The following RORA variants were observed in gnomAD, a reference collection of about 807,000 sequenced individuals.
RORA encodes the protein RAR related orphan receptor A, also known as nuclear receptor ROR-alpha.
Under a neutral mutation model 69.5 loss-of-function variants are expected in RORA, and 7 were observed. The observed-to-expected ratio is 0.10, with a 90% confidence interval of 0.06 to 0.19. The LOEUF (loss-of-function observed/expected upper bound fraction) is 0.19. Among genes scored for constraint, RORA ranks in the 10% least tolerant of loss-of-function variants. The probability of loss-of-function intolerance (pLI) is 1.00; values close to 1 mark genes in which losing one functional copy is unlikely to be tolerated. For missense variants in RORA, 457 were observed against 663.0 expected, an observed-to-expected ratio of 0.69 and a Z score of 3.41; for synonymous variants, 261 against 240.8, an observed-to-expected ratio of 1.08 and a Z score of -0.78.
chr15:61,222,008 C>G (rs1265137541), intron 1 of RORA, among the ~76,000 whole-genome samples: 1 of 151,802 alleles, frequency 6.6e-6, no homozygotes, highest in African/African-American at 2.4e-5. Context: ...TTAAAACACC[C>G]AATAACATTG....
Position 60,627,337 on chromosome 15 carries a change from G to C in RORA, c.196+51320C>G. ...GATTGACCACGGCACTCTTGCCTCA[G>C]TCTCTAAGTCACTGTCTCCTGGGGC... On this transcript the variant is annotated intron_variant, in intron 2 of 10. Coordinates refer to ENST00000335670, the MANE Select transcript of RORA (RefSeq NM_134261.3). 1 of 1,614,174 alleles carries C rather than the reference G, an allele frequency of 6.2e-7. No individual in the cohort carries two copies. The highest frequency in any genetic ancestry group is 1.6e-4 in the Middle Eastern group (1 of 6,062).
chr15:60,645,987 C>T lies in RORA; in HGVS notation c.196+32670G>A, dbSNP rs1203964671. On this transcript the variant is annotated intron_variant, in intron 2 of 10. Transcript: ENST00000335670. Reference sequence around the variant, plus strand: ...TCCGCACCATATGTGAGCATGAAAACACAACTTCGGGGCCTCGCCCGTATG... The same window carrying T: ...TCCGCACCATATGTGAGCATGAAAATACAACTTCGGGGCCTCGCCCGTATG... 3.3e-5 allele frequency among the ~76,000 whole-genome samples: 5 copies of T among 152,116 alleles called. No homozygotes were observed. The East Asian group carries it at 9.7e-4, about 29-fold the overall frequency.
intron 2 of RORA, among the ~76,000 whole-genome samples, chr15:60,587,197 TTCAC>T (rs1459127440): frequency 2.0e-5 from 3 of 152,184 alleles, no homozygotes; most frequent in Non-Finnish European, 4.4e-5. Flanking sequence ...ATGCTTATAT[TTCAC>T]TCATATCCTC....
At chr15:61,210,104 T>C (rs2079977457) in intron 1 of RORA, among the ~76,000 whole-genome samples, 2 of 152,144 alleles carry the variant, frequency 1.3e-5, no homozygotes, top group South Asian at 2.1e-4. Context: ...ATGCTGAGGG[T>C]TCCCTCAAGA....
At chr15:61,054,773 C>T (rs1315305557) in intron 1 of RORA, among the ~76,000 whole-genome samples, 1 of 151,904 alleles carries the variant, frequency 6.6e-6, no homozygotes, top group African/African-American at 2.4e-5. Flanking sequence ...GTTGACTCTC[C>T]CTTTAACTTT....
intron 2 of RORA, chr15:60,592,938 C>T (rs745387466): frequency 4.4e-6 from 2 of 455,594 alleles, no homozygotes; most frequent in Non-Finnish European, 8.8e-6. Context: ...CCGGAGCACT[C>T]GGGGGCGATA....
chr15:60,744,368 G>A (rs535021077), intron 1 of RORA, among the ~76,000 whole-genome samples: 2 of 152,192 alleles, frequency 1.3e-5, no homozygotes, highest in Admixed American at 6.5e-5. Context: ...CAGCTGTGTC[G>A]TTTGCTTAGG....
intron 2 of RORA, among the ~76,000 whole-genome samples, chr15:60,613,651 T>G (rs544841758): frequency 6.6e-6 from 1 of 150,746 alleles, no homozygotes; most frequent in Non-Finnish European, 1.5e-5. Context: ...TAAAAATTAC[T>G]AATATATAAG....
chr15:60,829,180 G>C (rs889939848), intron 1 of RORA, among the ~76,000 whole-genome samples: 3 of 152,162 alleles, frequency 2.0e-5, no homozygotes, highest in Non-Finnish European at 2.9e-5. Flanking sequence ...TGCCAGCCTG[G>C]AGACAGGAGA....
chr15:61,165,385 T>A (rs2079532615), intron 1 of RORA, among the ~76,000 whole-genome samples: 1 of 152,190 alleles, frequency 6.6e-6, no homozygotes, highest in African/African-American at 2.4e-5. Context: ...TTCCAGAGCA[T>A]TTCTGTGATT....
intron 1 of RORA, among the ~76,000 whole-genome samples, chr15:60,763,621 T>G (rs1378264153): frequency 2.6e-5 from 4 of 152,108 alleles, no homozygotes; most frequent in Non-Finnish European, 4.4e-5. Context: ...CACTTTAGCA[T>G]GAACACAACC....
intron 2 of RORA, among the ~76,000 whole-genome samples, chr15:60,554,543 T>C (rs751044947): frequency 6.6e-6 from 1 of 152,196 alleles, no homozygotes; most frequent in Non-Finnish European, 1.5e-5. Context: ...GAAAGGCTTA[T>C]TTAAATACCA....
chr15:61,045,659 G>A (rs1896984579), intron 1 of RORA, among the ~76,000 whole-genome samples: 1 of 152,146 alleles, frequency 6.6e-6, no homozygotes, highest in Non-Finnish European at 1.5e-5. Flanking sequence ...GTCAGACAGT[G>A]CAGAGAATGA....
chr15:61,171,158 C>T (rs1596044165), intron 1 of RORA, among the ~76,000 whole-genome samples: 1 of 152,190 alleles, frequency 6.6e-6, no homozygotes, highest in Admixed American at 6.5e-5. Flanking sequence ...CTACACCAGA[C>T]CTGCCCCACG....
chr15:60,539,408 T>C (rs1348788248), intron 2 of RORA, among the ~76,000 whole-genome samples: 1 of 152,256 alleles, frequency 6.6e-6, no homozygotes, highest in Non-Finnish European at 1.5e-5. Flanking sequence ...TGAGCACTTT[T>C]ATCCCTAGAC....
intron 1 of RORA, among the ~76,000 whole-genome samples, chr15:60,802,639 T>C (rs747544941): frequency 6.6e-6 from 1 of 152,190 alleles, no homozygotes; most frequent in Non-Finnish European, 1.5e-5. Context: ...TATGTGTGTA[T>C]GTGCATGTCA....
At chr15:60,961,438 A>G (rs1191110634) in intron 1 of RORA, among the ~76,000 whole-genome samples, 1 of 152,202 alleles carries the variant, frequency 6.6e-6, no homozygotes, top group Non-Finnish European at 1.5e-5. Context: ...ACAAAGATAA[A>G]AAAAGGTAAC....
At chr15:61,165,776 AC>A (rs1339426824) in intron 1 of RORA, among the ~76,000 whole-genome samples, 3 of 152,234 alleles carry the variant, frequency 2.0e-5, no homozygotes, top group Non-Finnish European at 2.9e-5. Context: ...TCTTAGTTGC[AC>A]AGGGCATGTG....
intron 1 of RORA, among the ~76,000 whole-genome samples, chr15:60,888,442 G>T (rs371378546): frequency 6.6e-6 from 1 of 152,192 alleles, no homozygotes; most frequent in Non-Finnish European, 1.5e-5. Flanking sequence ...AAAAGGGAGA[G>T]GAAGATTACG....
Sources: allele counts gnomAD v4.1 joint callset (sites outside exome capture counted in the v4.1 genomes callset), GRCh38; gene constraint gnomAD v4.1.1; transcripts MANE v1.5; gene names NCBI Gene and HGNC (gene_info 2026-07-23, HGNC 2026-07-21).